Variants in PPP2R2B observed in about 807,000 individuals in gnomAD.
PPP2R2B encodes protein phosphatase 2 regulatory subunit Bbeta, also known as serine/threonine-protein phosphatase 2A 55 kDa regulatory subunit B beta isoform.
A neutral mutation model predicts 46.0 loss-of-function variants in PPP2R2B; 5 were observed. That is an observed-to-expected ratio of 0.11 (90% confidence interval 0.06 to 0.23). The LOEUF (loss-of-function observed/expected upper bound fraction) is 0.23, where lower values mean the gene tolerates loss of function less well. Among genes scored for constraint, PPP2R2B ranks in the 10% least tolerant of loss-of-function variants. PPP2R2B has a pLI of 1.00. For synonymous variants in PPP2R2B, 215 were observed against 206.7 expected (o/e 1.04, Z -0.34); for missense variants, 367 against 575.0 (o/e 0.64, Z 3.70).
At chr5:146,702,855 T>C (rs1226084002) in intron 2 of PPP2R2B, among the ~76,000 whole-genome samples, 1 of 152,166 alleles carries the variant, frequency 6.6e-6, no homozygotes, top group Non-Finnish European at 1.5e-5. Context: ...AAGACTCCAG[T>C]GAATACTACC....
chr5:146,687,350 C>T (rs182704817), intron 5 of PPP2R2B, among the ~76,000 whole-genome samples: 13 of 152,168 alleles, frequency 8.5e-5, no homozygotes, highest in Admixed American at 7.2e-4. Flanking sequence ...AAGCTTGGTT[C>T]TCAGCCCTGC....
intron 1 of PPP2R2B, among the ~76,000 whole-genome samples, chr5:147,026,888 A>T (rs1755550480): frequency 6.6e-6 from 1 of 152,186 alleles, no homozygotes; most frequent in Non-Finnish European, 1.5e-5. Flanking sequence ...AATTTCTTAT[A>T]ATACTAAATA....
intron 2 of PPP2R2B, among the ~76,000 whole-genome samples, chr5:146,780,663 C>T (rs75014008): frequency 6.6e-6 from 1 of 152,146 alleles, no homozygotes. Flanking sequence ...GAATATATAA[C>T]ATAAAAAGAA....
At chr5:146,899,589 C>T (rs1407968078) in intron 1 of PPP2R2B, among the ~76,000 whole-genome samples, 1 of 151,726 alleles carries the variant, frequency 6.6e-6, no homozygotes, top group Non-Finnish European at 1.5e-5. Flanking sequence ...CTAACCTGCA[C>T]ATTGTGCACA....
intron 1 of PPP2R2B, chr5:147,054,475 G>A (rs1367994008): frequency 3.4e-6 from 1 of 298,360 alleles, no homozygotes; most frequent in African/African-American, 2.5e-5. Flanking sequence ...AAAGGGAAAT[G>A]TCCAACTGTA....
intron 2 of PPP2R2B, among the ~76,000 whole-genome samples, chr5:146,764,497 T>C (rs1221104075): frequency 6.6e-6 from 1 of 152,182 alleles, no homozygotes; most frequent in Non-Finnish European, 1.5e-5. Flanking sequence ...ACATAACTTT[T>C]GGACCCAGAA....
At position 146,837,464 on chromosome 5, in the gene PPP2R2B, GGGA is replaced by G. The variant is rs369541268; in HGVS notation, c.70+40535_70+40537del. The stretch of plus-strand genomic sequence containing the variant: ...TATAGTATGTTAGTTGTATGGGGGT[GGGA>G]GAAGAAAGTGATGTGGCTATAAGGT... On this transcript the variant is annotated intron_variant, in intron 2 of 9. Transcript: ENST00000394411. Among the ~76,000 whole-genome samples, 664 of 152,318 alleles carry G rather than the reference GGGA, an allele frequency of 4.4e-3. 4 individuals are homozygous for G. Among genetic ancestry groups the G allele is most frequent in the African/African-American group, 0.015 (634 of 41,584 alleles).
intron 1 of PPP2R2B, chr5:147,040,719 G>A: frequency 2.2e-6 from 1 of 447,122 alleles, no homozygotes; most frequent in Non-Finnish European, 4.5e-6. Flanking sequence ...GCACTTACGA[G>A]AACATTCTTG....
chr5:147,029,420 C>A (rs1056253287), intron 1 of PPP2R2B, among the ~76,000 whole-genome samples: 2 of 152,188 alleles, frequency 1.3e-5, no homozygotes, highest in African/African-American at 4.8e-5. Context: ...CTCTGCAATG[C>A]CATCTTTTCA....
At chr5:146,843,839 C>T (rs2151374613) in intron 2 of PPP2R2B, among the ~76,000 whole-genome samples, 1 of 151,984 alleles carries the variant, frequency 6.6e-6, no homozygotes, top group East Asian at 1.9e-4. Context: ...TTTTCTTAAT[C>T]CAGTCTATCA....
intron 2 of PPP2R2B, among the ~76,000 whole-genome samples, chr5:146,766,391 A>T (rs1013589219): frequency 3.9e-5 from 6 of 152,196 alleles, no homozygotes; most frequent in African/African-American, 1.4e-4. Flanking sequence ...ATTCCACCCC[A>T]AATAAACCGG....
At chr5:146,776,675 T>C (rs1291058084) in intron 2 of PPP2R2B, among the ~76,000 whole-genome samples, 1 of 152,018 alleles carries the variant, frequency 6.6e-6, no homozygotes, top group Non-Finnish European at 1.5e-5. Context: ...AAAATTTCTG[T>C]ATATCAAAAG....
At position 146,884,564 on chromosome 5, in the gene PPP2R2B, C is replaced by A. The variant is rs529758638; in HGVS notation, c.79+171101G>T. 2.2e-4 allele frequency among the ~76,000 whole-genome samples: 34 copies of A among 152,222 alleles called. No individual in the cohort carries two copies. The South Asian group carries it at 6.4e-3, about 29-fold the overall frequency. On this transcript the variant is annotated intron_variant, in intron 1 of 8. Coordinates refer to the PPP2R2B transcript ENST00000336640. The stretch of plus-strand genomic sequence containing the variant: ...ATACTAAACAAAAATATCTACTGTG[C>A]GTGATTTCACTGACAGCTGTTTTAC...
intron 2 of PPP2R2B, among the ~76,000 whole-genome samples, chr5:146,850,002 G>A (rs1760245428): frequency 6.6e-6 from 1 of 152,098 alleles, no homozygotes; most frequent in Non-Finnish European, 1.5e-5. Flanking sequence ...TGAAGGTGGA[G>A]GGTAAAGTAC....
intron 1 of PPP2R2B, among the ~76,000 whole-genome samples, chr5:147,031,815 A>G (rs1204852902): frequency 2.6e-5 from 4 of 152,202 alleles, no homozygotes. Flanking sequence ...CTTTTCCACA[A>G]ATGGTGCTGG....
chr5:146,777,279 A>G (rs1755243807), intron 2 of PPP2R2B, among the ~76,000 whole-genome samples: 1 of 152,170 alleles, frequency 6.6e-6, no homozygotes, highest in South Asian at 2.1e-4. Context: ...TAAATGAAAT[A>G]TTATCCAGCC....
At chr5:146,788,667 G>T (rs1161480652) in intron 2 of PPP2R2B, among the ~76,000 whole-genome samples, 1 of 152,214 alleles carries the variant, frequency 6.6e-6, no homozygotes, top group African/African-American at 2.4e-5. Flanking sequence ...GGAGGCAGAT[G>T]TTGCAGTGGT....
chr5:146,938,437 T>C (rs1764222445), intron 1 of PPP2R2B, among the ~76,000 whole-genome samples: 2 of 112,506 alleles, frequency 1.8e-5, no homozygotes, highest in South Asian at 6.2e-4. Context: ...CAAAAGATTC[T>C]GCAAACTCTG....
intron 1 of PPP2R2B, among the ~76,000 whole-genome samples, chr5:146,927,293 C>T (rs557703530): frequency 3.9e-5 from 6 of 152,138 alleles, no homozygotes; most frequent in Non-Finnish European, 7.3e-5. Context: ...AGCTAAAAGT[C>T]CACTCTTTGC....
Sources: allele counts gnomAD v4.1 joint callset (sites outside exome capture counted in the v4.1 genomes callset), GRCh38; gene constraint gnomAD v4.1.1; transcripts MANE v1.5; gene names NCBI Gene and HGNC (gene_info 2026-07-23, HGNC 2026-07-21).